PRKG1: variants seen among roughly 807,000 people sequenced by gnomAD.
PRKG1 encodes protein kinase cGMP-dependent 1, also known as cGMP-dependent protein kinase 1.
PRKG1 carries 35 observed loss-of-function variants against 88.1 expected under a neutral mutation model. The observed-to-expected ratio is 0.40, with a 90% CI of 0.30 to 0.53. The LOEUF (loss-of-function observed/expected upper bound fraction) is 0.53, where lower values mean the gene tolerates loss of function less well. PRKG1 is among the 20% of genes least tolerant of loss of function. The probability of loss-of-function intolerance (pLI) is 0.59; values close to 1 mark genes in which losing one functional copy is unlikely to be tolerated. For synonymous variants in PRKG1, 303 were observed against 292.5 expected, an observed-to-expected ratio of 1.04 and a Z score of -0.37; for missense variants, 540 against 839.8, an observed-to-expected ratio of 0.64 and a Z score of 4.41.
intron 1 of PRKG1, among the ~76,000 whole-genome samples, chr10:51,107,230 C>CG (rs1768568636): frequency 6.6e-6 from 1 of 152,032 alleles, no homozygotes; most frequent in Admixed American, 6.6e-5. Context: ...AGTGGGAATG[C>CG]GGTGGGACAC....
At chr10:51,279,400 G>T (rs892707442) in intron 2 of PRKG1, among the ~76,000 whole-genome samples, 15 of 152,164 alleles carry the variant, frequency 9.9e-5, no homozygotes, top group Non-Finnish European at 1.5e-4. Context: ...TGGAATAAGT[G>T]TGATGTGATG....
intron 1 of PRKG1, among the ~76,000 whole-genome samples, chr10:51,152,070 TCTCTGATAGTG>T: frequency 6.6e-6 from 1 of 152,086 alleles, no homozygotes; most frequent in East Asian, 1.9e-4. Context: ...GCTTCTGACT[TCTCTGATAGTG>T]CTCTGATTGT....
intron 3 of PRKG1, among the ~76,000 whole-genome samples, chr10:51,735,038 T>G (rs1206751266): frequency 6.6e-6 from 1 of 152,092 alleles, no homozygotes. Flanking sequence ...CAGAGTGAGA[T>G]AGGGAATTAG....
chr10:51,468,000 G>T, intron 3 of PRKG1, 164 bp downstream of exon 3: 1 of 606,732 alleles, frequency 1.6e-6, no homozygotes, highest in Non-Finnish European at 2.9e-6. Context: ...TACTAAAGGT[G>T]ATTGTTAACA....
rs960398146 is a variant in PRKG1 at position 51,660,445 on chromosome 10, GA to G, written c.593-144129del. Among the ~76,000 whole-genome samples, 546 of 136,064 alleles carry G rather than the reference GA, an allele frequency of 4.0e-3. 2 individuals carry two copies. The highest frequency in any genetic ancestry group is 0.013 in the African/African-American group (488 of 37,046). The allele number at this position is 136,064 out of a possible 152,430, so 89.3% of individuals were successfully genotyped here. A position where few individuals can be genotyped will look rare whatever the true frequency, so the allele number is the denominator to read the frequency against. ...AGTGTGTTTAGATTGCTTTTGGGCA[GA>G]AAAAAAAAAAGACATTTCAATGTAA... is the stretch of plus-strand genomic sequence containing the variant. On this transcript the variant is annotated intron_variant, in intron 3 of 17. Coordinates refer to ENST00000373980, the MANE Select transcript of PRKG1 (RefSeq NM_006258.4).
intron 1 of PRKG1, among the ~76,000 whole-genome samples, chr10:51,100,139 C>T (rs1187573885): frequency 1.3e-5 from 2 of 152,132 alleles, no homozygotes; most frequent in African/African-American, 2.4e-5. Flanking sequence ...AGTAGTCCTC[C>T]TGCCTCGGCC....
At chr10:52,109,674 G>A (rs931104584) in intron 7 of PRKG1, among the ~76,000 whole-genome samples, 1 of 151,300 alleles carries the variant, frequency 6.6e-6, no homozygotes, top group Non-Finnish European at 1.5e-5. Flanking sequence ...GGCTGAGGCA[G>A]GAGAATCACT....
intron 7 of PRKG1, chr10:52,062,850 G>A (rs1047976676): frequency 2.8e-6 from 2 of 709,392 alleles, no homozygotes; most frequent in East Asian, 2.7e-5. Context: ...ATAAATCAGT[G>A]TTATATTAAT....
chr10:52,040,818 C>A (rs1845736028), intron 5 of PRKG1, among the ~76,000 whole-genome samples: 1 of 143,846 alleles, frequency 7.0e-6, no homozygotes, highest in Non-Finnish European at 1.5e-5. Flanking sequence ...GTGAGTTTGT[C>A]ATAAATGGCT....
At chr10:51,215,032 G>C (rs1055234591) in intron 2 of PRKG1, among the ~76,000 whole-genome samples, 1 of 152,142 alleles carries the variant, frequency 6.6e-6, no homozygotes, top group Non-Finnish European at 1.5e-5. Flanking sequence ...GCAAGTTACA[G>C]CGTGGGCGGC....
At chr10:51,852,211 G>GTA (rs1286387019) in intron 4 of PRKG1, among the ~76,000 whole-genome samples, 318 of 133,982 alleles carry the variant, frequency 2.4e-3, no homozygotes, top group African/African-American at 0.01. Context: ...AGTTTTATAT[G>GTA]TGTATATATA....
intron 12 of PRKG1, among the ~76,000 whole-genome samples, chr10:52,279,433 T>C (rs1202659334): frequency 6.6e-6 from 1 of 152,154 alleles, no homozygotes; most frequent in Non-Finnish European, 1.5e-5. Flanking sequence ...TATAATTAAT[T>C]ATGTTTCAGA....
At chr10:52,099,338 C>G (rs765732147) in intron 7 of PRKG1, among the ~76,000 whole-genome samples, 1 of 152,056 alleles carries the variant, frequency 6.6e-6, no homozygotes, top group Non-Finnish European at 1.5e-5. Context: ...AAGAGAGTTA[C>G]GATGAGTCAT....
intron 9 of PRKG1, among the ~76,000 whole-genome samples, chr10:52,249,545 T>C (rs1340950792): frequency 6.6e-6 from 1 of 152,154 alleles, no homozygotes; most frequent in African/African-American, 2.4e-5. Context: ...CTATGTGTAC[T>C]TCCAGCCTAA....
At chr10:51,654,548 G>A (rs1053749972) in intron 3 of PRKG1, among the ~76,000 whole-genome samples, 2 of 151,696 alleles carry the variant, frequency 1.3e-5, no homozygotes, top group Non-Finnish European at 2.9e-5. Flanking sequence ...ATTTATTTAA[G>A]GAAAGAAAAA....
At chr10:51,398,638 T>G (rs1435637989) in intron 2 of PRKG1, among the ~76,000 whole-genome samples, 1 of 152,224 alleles carries the variant, frequency 6.6e-6, no homozygotes, top group African/African-American at 2.4e-5. Flanking sequence ...TCAACTTGAC[T>G]AGGTCACAGT....
intron 5 of PRKG1, chr10:51,910,893 A>G (rs2132953877): frequency 6.6e-6 from 1 of 152,340 alleles, no homozygotes; most frequent in South Asian, 2.1e-4. Flanking sequence ...ATGAGGTTAA[A>G]GAATTTCTGG....
intron 10 of PRKG1, among the ~76,000 whole-genome samples, chr10:52,261,147 C>T (rs1841423126): frequency 6.6e-6 from 1 of 151,618 alleles, no homozygotes. Flanking sequence ...AAAAAAAAAC[C>T]TTATCTCCTC....
At chr10:51,889,909 G>GT (rs1463808634) in intron 4 of PRKG1, among the ~76,000 whole-genome samples, 2 of 152,174 alleles carry the variant, frequency 1.3e-5, no homozygotes, top group Admixed American at 1.3e-4. Context: ...GGGGTTATTT[G>GT]TTTTTTTCTT....
Sources: allele counts gnomAD v4.1 joint callset (sites outside exome capture counted in the v4.1 genomes callset), GRCh38; gene constraint gnomAD v4.1.1; transcripts MANE v1.5; gene names NCBI Gene and HGNC (gene_info 2026-07-23, HGNC 2026-07-21).